Variants in SLC35F1 observed in about 807,000 individuals in gnomAD.
SLC35F1 encodes solute carrier family 35 member F1.
In SLC35F1, 14 loss-of-function variants were observed where a neutral mutation model predicts 48.7. The observed-to-expected ratio is 0.29, with a 90% CI of 0.19 to 0.45. The LOEUF is 0.45. SLC35F1 is among the 20% of genes least tolerant of loss of function. The probability of loss-of-function intolerance (pLI) is 1.00; values close to 1 mark genes in which losing one functional copy is unlikely to be tolerated. For synonymous variants in SLC35F1, 190 were observed against 202.2 expected, an observed-to-expected ratio of 0.94 and a Z score of 0.51; for missense variants, 404 against 500.0, an observed-to-expected ratio of 0.81 and a Z score of 1.83.
At chr6:118,276,680 A>AT (rs1775921890) in intron 5 of SLC35F1, among the ~76,000 whole-genome samples, 1 of 152,202 alleles carries the variant, frequency 6.6e-6, no homozygotes, top group South Asian at 2.1e-4. Flanking sequence ...CATAGCCAAC[A>AT]TTTTGTAGAT....
intron 2 of SLC35F1, among the ~76,000 whole-genome samples, chr6:118,229,654 G>A (rs1445620426): frequency 2.0e-5 from 3 of 152,230 alleles, no homozygotes; most frequent in Non-Finnish European, 2.9e-5. Context: ...TCTTGTGCAA[G>A]TTACTTAACT....
chr6:118,095,987 T>C (rs948074486), intron 1 of SLC35F1, among the ~76,000 whole-genome samples: 1 of 152,176 alleles, frequency 6.6e-6, no homozygotes, highest in Non-Finnish European at 1.5e-5. Context: ...CTAAGTCTAC[T>C]TTGACAGAAG....
chr6:118,130,835 A>G (rs1773699359), intron 1 of SLC35F1, among the ~76,000 whole-genome samples: 1 of 152,188 alleles, frequency 6.6e-6, no homozygotes, highest in Admixed American at 6.5e-5. Context: ...GAGGCCATAA[A>G]TCATTTAAAT....
rs56871689 is a variant in SLC35F1, at chr6:118,239,728, A to G, written c.477+4092A>G. Among the ~76,000 whole-genome samples the G allele has an allele frequency of 9.4e-3, 1,435 of 152,252 alleles. 23 individuals carry two copies. Among genetic ancestry groups the G allele is most frequent in the African/African-American group, 0.033 (1,363 of 41,538 alleles). On this transcript the variant is annotated intron_variant, in intron 3 of 7. Coordinates refer to ENST00000360388, the MANE Select transcript of SLC35F1 (RefSeq NM_001029858.4). ...CATTTGACACCCTATTTAATGCTGC[A>G]TTCTATGAAAACGTTTATTTTAATT...
rs372014984 is a variant in SLC35F1 at position 118,236,742 on chromosome 6, T to G, written c.477+1106T>G. 4.3e-4 allele frequency among the ~76,000 whole-genome samples: 65 copies of G among 152,208 alleles called. No individual in the cohort carries two copies. The South Asian group carries it at 0.012, about 27-fold the overall frequency. On this transcript the variant is annotated intron_variant, in intron 3 of 7. Coordinates refer to ENST00000360388, the MANE Select transcript of SLC35F1 (RefSeq NM_001029858.4). ...CTAGTCAGGTGCATATTGAAGAAAA[T>G]AGATAACTGATAAGGGAGACCTGAG...
At position 118,304,197 on chromosome 6, in the gene SLC35F1, AT is replaced by A. The variant is rs1350682711; in HGVS notation, c.1003-9829del. Reference sequence around the variant, plus strand: ...ATAAACAATGTAAACAGAATAGAAAATTATGAGGATTCCTGTGACTTATGTA... The same window carrying A: ...ATAAACAATGTAAACAGAATAGAAAATATGAGGATTCCTGTGACTTATGTA... On this transcript the variant is annotated intron_variant, in intron 7 of 7. Transcript: ENST00000360388. Among the ~76,000 whole-genome samples, 6 of 152,298 alleles carry A rather than the reference AT, an allele frequency of 3.9e-5. No homozygotes were observed. The East Asian group carries it at 9.6e-4, about 24-fold the overall frequency.
chr6:118,177,688 T>TA (rs1774510383), intron 2 of SLC35F1, among the ~76,000 whole-genome samples: 3 of 152,140 alleles, frequency 2.0e-5, no homozygotes, highest in Non-Finnish European at 2.9e-5. Flanking sequence ...AGTTTTGTTT[T>TA]AAAAAAACAG....
intron 1 of SLC35F1, among the ~76,000 whole-genome samples, chr6:118,100,999 G>A (rs902717486): frequency 6.6e-5 from 10 of 152,294 alleles, no homozygotes; most frequent in South Asian, 2.1e-4. Flanking sequence ...TGGGACAAAC[G>A]TCCACTAAAT....
chr6:118,060,697 G>A (rs775869829), intron 1 of SLC35F1, among the ~76,000 whole-genome samples: 1 of 152,144 alleles, frequency 6.6e-6, no homozygotes, highest in Non-Finnish European at 1.5e-5. Context: ...TCTGAAATAG[G>A]ACACAACTCT....
chr6:117,938,214 G>T (rs959469939), intron 1 of SLC35F1, among the ~76,000 whole-genome samples: 14 of 152,068 alleles, frequency 9.2e-5, no homozygotes, highest in African/African-American at 3.4e-4. Context: ...TCTCTGCTAA[G>T]TGCTAGTTAC....
chr6:118,067,354 G>A (rs1016402038), intron 1 of SLC35F1, among the ~76,000 whole-genome samples: 5 of 152,100 alleles, frequency 3.3e-5, no homozygotes, highest in African/African-American at 7.2e-5. Context: ...TGCTAGAGAC[G>A]CAGATTAAGA....
At chr6:118,145,822 T>C (rs558324342) in intron 1 of SLC35F1, among the ~76,000 whole-genome samples, 1 of 152,270 alleles carries the variant, frequency 6.6e-6, no homozygotes, top group African/African-American at 2.4e-5. Flanking sequence ...CTTTAAAAAA[T>C]TTTCATTAAA....
At chr6:117,993,155 T>C (rs1776941902) in intron 1 of SLC35F1, among the ~76,000 whole-genome samples, 1 of 152,158 alleles carries the variant, frequency 6.6e-6, no homozygotes, top group Non-Finnish European at 1.5e-5. Context: ...AAACATGCTC[T>C]TTCTGCCCTC....
At chr6:118,285,373 A>G (rs1348862189) in intron 7 of SLC35F1, 35 bp downstream of exon 7, 1 of 1,610,502 alleles carries the variant, frequency 6.2e-7, no homozygotes, top group Non-Finnish European at 8.5e-7. Context: ...TGAAGATGAT[A>G]CTTTGTAGGA....
chr6:118,220,349 A>G (rs1407198018), intron 2 of SLC35F1, among the ~76,000 whole-genome samples: 2 of 152,064 alleles, frequency 1.3e-5, no homozygotes, highest in Non-Finnish European at 2.9e-5. Flanking sequence ...AAGTCTTCTA[A>G]TATTATATTT....
intron 1 of SLC35F1, among the ~76,000 whole-genome samples, chr6:118,078,272 A>G (rs1013308720): frequency 7.2e-5 from 11 of 152,234 alleles, no homozygotes; most frequent in African/African-American, 2.7e-4. Context: ...TGAAAGTCAA[A>G]GAGATAGAAA....
At chr6:117,989,991 A>G (rs918076943) in intron 1 of SLC35F1, among the ~76,000 whole-genome samples, 10 of 152,140 alleles carry the variant, frequency 6.6e-5, no homozygotes, top group Non-Finnish European at 1.2e-4. Context: ...AGCTGAGTCC[A>G]ACTTAGCATA....
At chr6:118,076,434 G>A (rs1487212094) in intron 1 of SLC35F1, among the ~76,000 whole-genome samples, 9 of 152,122 alleles carry the variant, frequency 5.9e-5, no homozygotes, top group South Asian at 2.1e-4. Flanking sequence ...TCTACAGGCC[G>A]TACAGGAGGC....
In SLC35F1 at chr6:117,907,581, C is replaced by T. The variant is rs1199266641; in HGVS notation, c.-146C>T. On this transcript the variant is annotated 5_prime_UTR_variant, in exon 1 of 8. Coordinates refer to ENST00000360388, the MANE Select transcript of SLC35F1 (RefSeq NM_001029858.4). ...GCGGCGGCGGCCGTAGCCGCGGGTG[C>T]CTCCCCGCCTCACCGCTTCGCAGGC... 2 of 413,986 alleles carry T rather than the reference C, an allele frequency of 4.8e-6. No homozygotes were observed. Among genetic ancestry groups the T allele is most frequent in the African/African-American group, 2.1e-5 (1 of 47,348 alleles). 25.6% of individuals were successfully genotyped at this position (413,986 alleles called of 1,614,324 possible).
Sources: gnomAD v4.1 joint callset for allele counts (sites outside exome capture counted in the v4.1 genomes callset) on GRCh38, gnomAD v4.1.1 for gene constraint, MANE v1.5 for transcripts, NCBI Gene and HGNC (gene_info 2026-07-23, HGNC 2026-07-21) for gene names.